Variants in RIMS1 observed in about 807,000 individuals in gnomAD.
The protein encoded by RIMS1 is regulating synaptic membrane exocytosis 1, also known as regulating synaptic membrane exocytosis protein 1.
In RIMS1, 83 loss-of-function variants were observed where a neutral mutation model predicts 214.1. The ratio of observed to expected loss-of-function variants is 0.39; its 90% confidence interval spans 0.32 to 0.47. The LOEUF (loss-of-function observed/expected upper bound fraction) is 0.47, where lower values mean the gene tolerates loss of function less well. Among genes scored for constraint, RIMS1 ranks in the 20% least tolerant of loss-of-function variants. The pLI is 0.99. For missense variants in RIMS1, 2,050 were observed against 2,161.8 expected, an observed-to-expected ratio of 0.95 and a Z score of 1.03; for synonymous variants, 793 against 786.8, an observed-to-expected ratio of 1.01 and a Z score of -0.13.
chr6:72,227,389 A>T (rs970868073), intron 6 of RIMS1, among the ~76,000 whole-genome samples: 1 of 149,756 alleles, frequency 6.7e-6, no homozygotes, highest in Non-Finnish European at 1.5e-5. Flanking sequence ...CGTGCACATT[A>T]TCTCATTCTA....
At chr6:71,906,231 T>C (rs940591490) in intron 1 of RIMS1, among the ~76,000 whole-genome samples, 6 of 152,202 alleles carry the variant, frequency 3.9e-5, no homozygotes, top group Non-Finnish European at 7.4e-5. Flanking sequence ...TTAAGTCTAA[T>C]ATGTGGGCCT....
intron 29 of RIMS1, among the ~76,000 whole-genome samples, chr6:72,337,536 C>T (rs2096883722): frequency 6.6e-6 from 1 of 151,632 alleles, no homozygotes. Context: ...TCATTGGTCA[C>T]AAGAAACTTA....
chr6:72,302,664 T>A (rs1362884307), intron 26 of RIMS1, among the ~76,000 whole-genome samples: 1 of 151,618 alleles, frequency 6.6e-6, no homozygotes, highest in African/African-American at 2.4e-5. Context: ...ATTGTGTTGC[T>A]ATACAACAAG....
At chr6:72,353,101 C>T (rs2097519918) in intron 29 of RIMS1, among the ~76,000 whole-genome samples, 1 of 149,670 alleles carries the variant, frequency 6.7e-6, no homozygotes, top group African/African-American at 2.5e-5. Flanking sequence ...AGTGATTCTC[C>T]TGCCTCCTGA....
chr6:72,172,178 A>G (rs1036144717), intron 4 of RIMS1, among the ~76,000 whole-genome samples: 3 of 152,154 alleles, frequency 2.0e-5, no homozygotes, highest in African/African-American at 4.8e-5. Flanking sequence ...CATTCGAAAC[A>G]AAGTGTTTAC....
At chr6:72,353,942 G>A (rs1053776680) in intron 29 of RIMS1, among the ~76,000 whole-genome samples, 1 of 151,886 alleles carries the variant, frequency 6.6e-6, no homozygotes, top group Admixed American at 6.6e-5. Context: ...GGCTTTGGCC[G>A]GGCACGGTGG....
intron 2 of RIMS1, among the ~76,000 whole-genome samples, chr6:72,010,347 T>C (rs9446543): frequency 0.013 from 1,976 of 152,258 alleles, 38 homozygotes; most frequent in African/African-American, 0.045. Flanking sequence ...ATAAGAGCTA[T>C]CTATGACAAA....
intron 2 of RIMS1, among the ~76,000 whole-genome samples, chr6:72,032,894 A>G (rs1818546865): frequency 6.6e-6 from 1 of 152,188 alleles, no homozygotes. Context: ...ATCTAATAAG[A>G]CACTGGCTAT....
At chr6:72,019,363 G>T (rs973724768) in intron 2 of RIMS1, among the ~76,000 whole-genome samples, 2 of 152,190 alleles carry the variant, frequency 1.3e-5, no homozygotes, top group Non-Finnish European at 2.9e-5. Flanking sequence ...AATATTTACT[G>T]TGTTCACTTG....
chr6:72,332,988 G>A (rs949434359), intron 28 of RIMS1, among the ~76,000 whole-genome samples: 2 of 151,880 alleles, frequency 1.3e-5, no homozygotes, highest in Non-Finnish European at 2.9e-5. Flanking sequence ...AGTTTGTGTG[G>A]AGGAAGTGGA....
intron 29 of RIMS1, among the ~76,000 whole-genome samples, chr6:72,345,506 A>T (rs986696906): frequency 2.6e-5 from 4 of 151,818 alleles, no homozygotes; most frequent in African/African-American, 9.7e-5. Flanking sequence ...GACTTGTCTG[A>T]GGTATCACAA....
chr6:72,361,687 C>T (rs2097831444), intron 29 of RIMS1, among the ~76,000 whole-genome samples: 2 of 152,176 alleles, frequency 1.3e-5, no homozygotes, highest in Admixed American at 6.5e-5. Context: ...AACTTATTTT[C>T]TTGCCTTCCT....
chr6:72,153,610 T>C (rs537545429), intron 4 of RIMS1, among the ~76,000 whole-genome samples: 1 of 152,268 alleles, frequency 6.6e-6, no homozygotes, highest in South Asian at 2.1e-4. Flanking sequence ...ATTACTGCAT[T>C]ATATAATAAT....
At chr6:72,021,366 T>C (rs577971226) in intron 2 of RIMS1, among the ~76,000 whole-genome samples, 2 of 152,332 alleles carry the variant, frequency 1.3e-5, no homozygotes, top group Admixed American at 1.3e-4. Context: ...CAGTTGTTGA[T>C]GAACAGTATT....
chr6:72,181,917 A>T (rs928829495), intron 5 of RIMS1, among the ~76,000 whole-genome samples: 2 of 152,262 alleles, frequency 1.3e-5, no homozygotes, highest in Non-Finnish European at 2.9e-5. Context: ...TTCATAAAAC[A>T]TCTTCACAGA....
At chr6:72,086,906 A>G (rs1586651353) in intron 2 of RIMS1, among the ~76,000 whole-genome samples, 3 of 152,212 alleles carry the variant, frequency 2.0e-5, no homozygotes, top group Non-Finnish European at 4.4e-5. Flanking sequence ...CATCGGCAGG[A>G]AGCCTAGTTA....
At chr6:72,095,908 C>T (rs867004502) in intron 2 of RIMS1, among the ~76,000 whole-genome samples, 3 of 152,156 alleles carry the variant, frequency 2.0e-5, no homozygotes, top group Admixed American at 6.5e-5. Context: ...CCTCTTTTGG[C>T]GAAATAGCCA....
chr6:72,150,441 A>AT (rs1416869681), intron 4 of RIMS1, among the ~76,000 whole-genome samples: 1 of 152,064 alleles, frequency 6.6e-6, no homozygotes, highest in African/African-American at 2.4e-5. Flanking sequence ...TCTGTTTAGG[A>AT]TTTGTCTGCC....
intron 2 of RIMS1, among the ~76,000 whole-genome samples, chr6:72,066,406 TC>T (rs983307528): frequency 2.0e-5 from 3 of 152,178 alleles, no homozygotes; most frequent in Admixed American, 6.5e-5. Context: ...TTATTGAATC[TC>T]AGTCAATATC....
Sources: gnomAD v4.1 joint callset for allele counts (sites outside exome capture counted in the v4.1 genomes callset) on GRCh38, gnomAD v4.1.1 for gene constraint, MANE v1.5 for transcripts, NCBI Gene and HGNC (gene_info 2026-07-23, HGNC 2026-07-21) for gene names.